Variants in HOMER1 observed in about 807,000 individuals in gnomAD.
HOMER1 encodes homer protein homolog 1.
HOMER1 carries 3 observed loss-of-function variants against 48.9 expected under a neutral mutation model. The ratio of observed to expected loss-of-function variants is 0.06; its 90% CI spans 0.03 to 0.16. The LOEUF is 0.16. HOMER1 is among the 10% of genes least tolerant of loss of function. The pLI, the probability that HOMER1 is intolerant of heterozygous loss-of-function variation, is 1.00. For missense variants in HOMER1, 247 were observed against 411.4 expected (o/e 0.60, Z 3.46); for synonymous variants, 134 against 146.4 (o/e 0.92, Z 0.61).
At chr5:79,441,967 G>GT (rs1253286469) in intron 4 of HOMER1, among the ~76,000 whole-genome samples, 11 of 140,100 alleles carry the variant, frequency 7.9e-5, no homozygotes, top group African/African-American at 1.8e-4. Context: ...TTCTTTTTTG[G>GT]GGTGTGTGTG....
intron 8 of HOMER1, 93 bp from the exon 9 acceptor site, chr5:79,376,290 T>G (rs1748771304): frequency 1.1e-6 from 1 of 914,916 alleles, no homozygotes; most frequent in African/African-American, 1.7e-5. Flanking sequence ...CGGTAATCAA[T>G]GCAGTTTGAC....
At position 79,489,749 on chromosome 5, in the gene HOMER1, A is replaced by G. The variant is rs185736734; in HGVS notation, c.5+23021T>C. 7.6e-3 allele frequency among the ~76,000 whole-genome samples: 1,144 copies of G among 150,392 alleles called. 16 individuals are homozygous for G. The highest frequency in any genetic ancestry group is 0.027 in the African/African-American group (1,082 of 39,734). On this transcript the variant is annotated intron_variant, in intron 1 of 8. Coordinates refer to ENST00000334082, the MANE Select transcript of HOMER1 (RefSeq NM_004272.5). ...TATGATTATAGTAATTTTCTCTTCT[A>G]TTCAACTTAGACTACAACATTCAAA... is the stretch of plus-strand genomic sequence containing the variant.
chr5:79,511,219 A>G (rs747181686), intron 1 of HOMER1, among the ~76,000 whole-genome samples: 2 of 152,310 alleles, frequency 1.3e-5, no homozygotes, highest in South Asian at 2.1e-4. Flanking sequence ...AAGGGAAGCC[A>G]TATTTCTAAG....
At chr5:79,458,841 C>T (rs757810333) in intron 1 of HOMER1, among the ~76,000 whole-genome samples, 5 of 152,120 alleles carry the variant, frequency 3.3e-5, no homozygotes, top group East Asian at 1.9e-4. Context: ...ATTGGGAATA[C>T]GTCTTATTCA....
chr5:79,491,413 T>C (rs1236812499), intron 1 of HOMER1, among the ~76,000 whole-genome samples: 3 of 120,242 alleles, frequency 2.5e-5, no homozygotes, highest in African/African-American at 6.7e-5. Flanking sequence ...CACTCCAGCC[T>C]GGATGACAGA....
rs16876787 is a variant in HOMER1, at chr5:79,400,699, T to C, written c.684+1200A>G. 1.1e-3 allele frequency among the ~76,000 whole-genome samples: 163 copies of C among 148,178 alleles called. 3 individuals carry two copies. The East Asian group carries it at 0.028, about 26-fold the overall frequency. ...GGAGAAATTAAAGGCATCTGTTGGG[T>C]GAAGCACTTCTATGCCTTGAATTAA... On this transcript the variant is annotated intron_variant, in intron 6 of 8. Transcript: ENST00000334082.
intron 4 of HOMER1, among the ~76,000 whole-genome samples, chr5:79,439,821 A>G (rs1263169675): frequency 1.3e-5 from 2 of 152,162 alleles, no homozygotes; most frequent in Non-Finnish European, 2.9e-5. Flanking sequence ...TTTCCTTTCA[A>G]AGTAAATTTA....
At chr5:79,376,624 G>C (rs1748778780) in intron 8 of HOMER1, among the ~76,000 whole-genome samples, 1 of 152,068 alleles carries the variant, frequency 6.6e-6, no homozygotes, top group Non-Finnish European at 1.5e-5. Flanking sequence ...CTGTTTACTG[G>C]CAACTCTAGA....
intron 8 of HOMER1, among the ~76,000 whole-genome samples, chr5:79,377,119 C>T (rs980569058): frequency 3.1e-4 from 47 of 152,282 alleles, no homozygotes; most frequent in African/African-American, 1.1e-3. Context: ...GCACACGCCA[C>T]CACACCTGGC....
intron 1 of HOMER1, among the ~76,000 whole-genome samples, chr5:79,501,801 T>C (rs552266712): frequency 6.6e-6 from 1 of 152,256 alleles, no homozygotes; most frequent in South Asian, 2.1e-4. Context: ...CAATTTCCCT[T>C]TGGGCTGCGT....
intron 1 of HOMER1, among the ~76,000 whole-genome samples, chr5:79,466,499 AAATAATAATAAT>A (rs143679793): frequency 2.7e-5 from 4 of 148,124 alleles, no homozygotes; most frequent in Non-Finnish European, 5.9e-5. Context: ...CCTGTCTCAA[AAATAATAATAAT>A]AATAATAATA....
chr5:79,411,567 A>G (rs1749814551), intron 5 of HOMER1, among the ~76,000 whole-genome samples: 1 of 152,180 alleles, frequency 6.6e-6, no homozygotes, highest in Non-Finnish European at 1.5e-5. Flanking sequence ...AATCAAGAAG[A>G]AAAAGTACTT....
intron 4 of HOMER1, among the ~76,000 whole-genome samples, chr5:79,446,453 T>A (rs1416695018): frequency 2.0e-5 from 3 of 152,216 alleles, no homozygotes; most frequent in Non-Finnish European, 2.9e-5. Flanking sequence ...GAACTTTTCC[T>A]ATGACTCCCC....
At chr5:79,396,086 G>A (rs534951594) in intron 8 of HOMER1, among the ~76,000 whole-genome samples, 2 of 152,206 alleles carry the variant, frequency 1.3e-5, no homozygotes, top group South Asian at 2.1e-4. Flanking sequence ...GCTGGCAAGA[G>A]AAGACTTTGG....
chr5:79,402,620 C>T lies in HOMER1; in HGVS notation c.528-565G>A, dbSNP rs114112625. ...GGAATGTTTCCAACCTTCATTATGA[C>T]AGATACAGTTATCTACAGAAGAGTT... On this transcript the variant is annotated intron_variant, in intron 5 of 8. Transcript: ENST00000334082. Among the ~76,000 whole-genome samples, 1,218 of 152,280 alleles carry T rather than the reference C, an allele frequency of 8.0e-3. 11 individuals are homozygous for T. The highest frequency in any genetic ancestry group is 0.026 in the African/African-American group (1,092 of 41,560).
At chr5:79,446,067 C>A (rs1750870946) in intron 4 of HOMER1, among the ~76,000 whole-genome samples, 1 of 152,214 alleles carries the variant, frequency 6.6e-6, no homozygotes. Context: ...TGCTTCTCCC[C>A]TCTAGGGCTA....
At chr5:79,484,189 A>C (rs1752032294) in intron 1 of HOMER1, among the ~76,000 whole-genome samples, 2 of 152,196 alleles carry the variant, frequency 1.3e-5, no homozygotes, top group Admixed American at 1.3e-4. Context: ...GTAGACTGTG[A>C]TAAGTTAAAG....
chr5:79,402,028 A>G lies in HOMER1; in HGVS notation c.555T>C (p.Ala185=). 1 of 1,613,810 alleles carries G rather than the reference A, an allele frequency of 6.2e-7. No individual in the cohort carries two copies. The change falls in exon 6 of 9, where the codon GCT becomes GCC. Residue 185 remains alanine (A), a synonymous_variant. Coordinates refer to ENST00000334082, the MANE Select transcript of HOMER1 (RefSeq NM_004272.5). ...TATTTCCTTTGAGGGTAGCCAGTTC[A>G]GCCTCCCAATGTTTGCTGATTGCTG... The part of the protein sequence containing the change: ...HSSAISKHWE[A]ELATLKGNNA...
intron 8 of HOMER1, among the ~76,000 whole-genome samples, chr5:79,388,962 T>C (rs1424991164): frequency 1.3e-5 from 2 of 151,990 alleles, no homozygotes; most frequent in Non-Finnish European, 2.9e-5. Context: ...AACCTGGATA[T>C]ACAAATTAAA....
Sources: gnomAD v4.1 joint callset for allele counts (sites outside exome capture counted in the v4.1 genomes callset) on GRCh38, gnomAD v4.1.1 for gene constraint, MANE v1.5 for transcripts, NCBI Gene and HGNC (gene_info 2026-07-23, HGNC 2026-07-21) for gene names.